MYO1D: variants seen among roughly 807,000 people sequenced by gnomAD.
The protein encoded by MYO1D is unconventional myosin-Id.
In MYO1D, 83 loss-of-function variants were observed where a neutral mutation model predicts 122.0. The ratio of observed to expected loss-of-function variants is 0.68; its 90% CI spans 0.57 to 0.82. The LOEUF (loss-of-function observed/expected upper bound fraction) is 0.82, where lower values mean the gene tolerates loss of function less well. Among genes scored for constraint, MYO1D ranks in the 40% least tolerant of loss-of-function variants. MYO1D has a pLI of 0.00. For synonymous variants in MYO1D, 464 were observed against 446.9 expected (o/e 1.04, Z -0.48); for missense variants, 1,157 against 1,269.5 (o/e 0.91, Z 1.35).
At position 32,870,530 on chromosome 17, in the gene MYO1D, T is replaced by C. The variant is rs565107028; in HGVS notation, c.95+6248A>G. On this transcript the variant is annotated intron_variant, in intron 1 of 21. Transcript: ENST00000318217. The stretch of plus-strand genomic sequence containing the variant: ...TCTGTTTCCTGCCTTTCTTCTAATC[T>C]ATAACTCACTGCCCCAACACACAGT... 2.4e-3 allele frequency among the ~76,000 whole-genome samples: 365 copies of C among 151,238 alleles called. 3 individuals are homozygous for C. Among genetic ancestry groups the C allele is most frequent in the African/African-American group, 8.6e-3 (352 of 41,128 alleles).
At chr17:32,623,679 T>C (rs1419070057) in intron 20 of MYO1D, among the ~76,000 whole-genome samples, 1 of 152,194 alleles carries the variant, frequency 6.6e-6, no homozygotes. Flanking sequence ...CAACTCTGTC[T>C]CAGTCCATTT....
intron 20 of MYO1D, among the ~76,000 whole-genome samples, chr17:32,636,519 C>T (rs1336500072): frequency 6.6e-6 from 1 of 152,194 alleles, no homozygotes; most frequent in African/African-American, 2.4e-5. Flanking sequence ...TCACATCGAA[C>T]TTGCTCCCTC....
intron 1 of MYO1D, among the ~76,000 whole-genome samples, chr17:32,843,210 G>C (rs1345691761): frequency 6.6e-6 from 1 of 152,046 alleles, no homozygotes; most frequent in Admixed American, 6.6e-5. Context: ...TCTCTTTAAG[G>C]ACAGGAATTC....
intron 1 of MYO1D, among the ~76,000 whole-genome samples, chr17:32,865,557 T>C (rs142626453): frequency 6.6e-6 from 1 of 152,360 alleles, no homozygotes; most frequent in African/African-American, 2.4e-5. Flanking sequence ...GAGGTTCTTT[T>C]AGAACTCTGA....
chr17:32,528,270 C>T (rs1567878296), intron 21 of MYO1D, among the ~76,000 whole-genome samples: 1 of 152,210 alleles, frequency 6.6e-6, no homozygotes, highest in Non-Finnish European at 1.5e-5. Flanking sequence ...CGATGTCTAG[C>T]CTCCTCTGCC....
intron 13 of MYO1D, among the ~76,000 whole-genome samples, chr17:32,741,231 A>G (rs2089768851): frequency 6.6e-6 from 1 of 151,780 alleles, no homozygotes; most frequent in African/African-American, 2.4e-5. Flanking sequence ...TTCTAAAAAA[A>G]AAAAAAAAAA....
chr17:32,551,789 C>T lies in MYO1D; in HGVS notation c.2864+53298G>A, dbSNP rs183903940. 2.0e-3 allele frequency among the ~76,000 whole-genome samples: 308 copies of T among 152,266 alleles called. 1 individual carries two copies. Among genetic ancestry groups the T allele is most frequent in the African/African-American group, 5.8e-3 (241 of 41,554 alleles). On this transcript the variant is annotated intron_variant, in intron 21 of 21. Transcript: ENST00000318217. ...TGAAAGTTCCATGGCACAGGAACAC[C>T]GTCTATATCTTGCTCACTTCCTGTA... is the stretch of plus-strand genomic sequence containing the variant.
chr17:32,790,691 TG>T (rs1343479146), intron 1 of MYO1D, among the ~76,000 whole-genome samples: 3 of 152,336 alleles, frequency 2.0e-5, no homozygotes, highest in East Asian at 3.9e-4. Flanking sequence ...TTTTCATTGC[TG>T]GAGAAGAAGG....
chr17:32,612,063 A>C (rs2087708870), intron 20 of MYO1D, among the ~76,000 whole-genome samples: 1 of 152,238 alleles, frequency 6.6e-6, no homozygotes, highest in African/African-American at 2.4e-5. Context: ...GGGAGCATAA[A>C]AAATAGAAAG....
chr17:32,696,657 G>A (rs1020815844), intron 16 of MYO1D, among the ~76,000 whole-genome samples: 1 of 152,150 alleles, frequency 6.6e-6, no homozygotes, highest in South Asian at 2.1e-4. Flanking sequence ...GTCCTTCTAC[G>A]TGGCACTGCT....
At chr17:32,534,599 A>G (rs1910604724) in intron 21 of MYO1D, among the ~76,000 whole-genome samples, 1 of 152,232 alleles carries the variant, frequency 6.6e-6, no homozygotes, top group Non-Finnish European at 1.5e-5. Flanking sequence ...CTTAATGGGT[A>G]TGAGATCTAG....
chr17:32,569,728 A>C lies in MYO1D; in HGVS notation c.2864+35359T>G, dbSNP rs150720235. Among the ~76,000 whole-genome samples the C allele has an allele frequency of 7.2e-5, 11 of 152,342 alleles. No homozygotes were observed. The East Asian group carries it at 1.9e-3, about 27-fold the overall frequency. On this transcript the variant is annotated intron_variant, in intron 21 of 21. Transcript: ENST00000318217. ...GAATTTCCAGTTGCTTTACAGACTGAGAAAGTAAATGCAACACAGTAGTCA... is the reference window on the plus strand; with the variant it reads ...GAATTTCCAGTTGCTTTACAGACTGCGAAAGTAAATGCAACACAGTAGTCA...
chr17:32,679,317 T>G (rs1160544449), intron 16 of MYO1D, among the ~76,000 whole-genome samples: 15 of 151,684 alleles, frequency 9.9e-5, no homozygotes, highest in African/African-American at 2.9e-4. Flanking sequence ...TGGTGTTTTG[T>G]ACATGAAGTC....
intron 16 of MYO1D, among the ~76,000 whole-genome samples, chr17:32,674,826 T>G (rs1251943209): frequency 6.6e-6 from 1 of 152,162 alleles, no homozygotes; most frequent in Non-Finnish European, 1.5e-5. Context: ...ATACATCAGT[T>G]TCCAGTGCTC....
intron 16 of MYO1D, among the ~76,000 whole-genome samples, chr17:32,683,661 G>C (rs998433030): frequency 6.6e-6 from 1 of 151,790 alleles, no homozygotes; most frequent in Non-Finnish European, 1.5e-5. Context: ...AAAGCTGTCA[G>C]ACAGGGACAT....
At chr17:32,727,814 G>A (rs1828258365) in intron 14 of MYO1D, among the ~76,000 whole-genome samples, 1 of 152,052 alleles carries the variant, frequency 6.6e-6, no homozygotes, top group African/African-American at 2.4e-5. Context: ...AGACACACTT[G>A]AAACATAAGG....
At chr17:32,683,776 A>C (rs1356164657) in intron 16 of MYO1D, among the ~76,000 whole-genome samples, 2 of 152,092 alleles carry the variant, frequency 1.3e-5, no homozygotes, top group African/African-American at 4.8e-5. Flanking sequence ...GGTGGGCTCC[A>C]CCCAGGAGCT....
intron 14 of MYO1D, 118 bp from the exon 15 acceptor site, chr17:32,721,307 G>T: frequency 2.2e-6 from 2 of 902,832 alleles, no homozygotes; most frequent in South Asian, 1.7e-5. Flanking sequence ...TAATTTCTCA[G>T]GCATACACTT....
chr17:32,720,905 CTCT>C, intron 15 of MYO1D, 115 bp downstream of exon 15: 1 of 1,050,832 alleles, frequency 9.5e-7, no homozygotes, highest in Non-Finnish European at 1.3e-6. Context: ...ATTTCCTCAG[CTCT>C]TTTGTTCACC....
Sources: allele counts gnomAD v4.1 joint callset (sites outside exome capture counted in the v4.1 genomes callset), GRCh38; gene constraint gnomAD v4.1.1; transcripts MANE v1.5; gene names NCBI Gene and HGNC (gene_info 2026-07-23, HGNC 2026-07-21).